ZFP30: variants seen among roughly 807,000 people sequenced by gnomAD.
ZFP30 encodes the protein zinc finger protein 30 homolog.
Under a neutral mutation model 12.3 loss-of-function variants are expected in ZFP30, and 16 were observed. That is an observed-to-expected ratio of 1.30 (90% confidence interval 0.88 to 1.98). The LOEUF is 1.98. Among genes scored for constraint, ZFP30 ranks in the 30% most tolerant of loss-of-function variants. The probability of loss-of-function intolerance (pLI) is 0.00; values close to 1 mark genes in which losing one functional copy is unlikely to be tolerated. For synonymous variants in ZFP30, 172 were observed against 201.0 expected (o/e 0.86, Z 1.22); for missense variants, 560 against 611.2 (o/e 0.92, Z 0.88).
Position 37,644,672 on chromosome 19 carries a change from G to A in ZFP30, c.74C>T (p.Ser25Leu), listed in dbSNP as rs764810240. ...ATCTCTGTACAAATTCCTCTGATAT[G>A]AGTTCAGGCATTCCCATTCTTCCTG... ...FSQEEWECLN[S>L]YQRNLYRDVI... The change falls in exon 4 of 6, where the codon TCA becomes TTA. Residue 25 changes from serine to leucine, a missense_variant. Transcript: ENST00000684514. The A allele has an allele frequency of 1.1e-5, 18 of 1,613,264 alleles. No homozygotes were observed. In the African/African-American group the frequency reaches 2.4e-4, roughly 22 times the overall value.
chr19:37,642,980 G>A (rs1307140078), intron 5 of ZFP30, among the ~76,000 whole-genome samples: 4 of 150,542 alleles, frequency 2.7e-5, no homozygotes, highest in Admixed American at 1.3e-4. Flanking sequence ...GTGAACCCGG[G>A]AGGCGGAGCT....
intron 5 of ZFP30, among the ~76,000 whole-genome samples, chr19:37,643,054 A>C (rs2044468634): frequency 6.8e-6 from 1 of 146,552 alleles, no homozygotes; most frequent in Admixed American, 6.8e-5. Flanking sequence ...CTCCGTCTCA[A>C]AAAAAAAAAA....
chr19:37,639,171 T>TG (rs2044387633), intron 5 of ZFP30, among the ~76,000 whole-genome samples: 1 of 152,136 alleles, frequency 6.6e-6, no homozygotes, highest in Non-Finnish European at 1.5e-5. Flanking sequence ...TCTAGAATTT[T>TG]GGGGATAAAG....
chr19:37,643,221 C>T lies in ZFP30; in HGVS notation c.235+44G>A, dbSNP rs200590992. The T allele has an allele frequency of 6.6e-6, 10 of 1,521,048 alleles. No homozygotes were observed. In the East Asian group the frequency reaches 2.3e-4, roughly 35 times the overall value. The allele number at this position is 1,521,048 out of a possible 1,614,324, so 94.2% of individuals were successfully genotyped here. A position where few individuals can be genotyped will look rare whatever the true frequency, so the allele number is the denominator to read the frequency against. ...TGTGTCTCCTCCTCAACCAGCAGGT[C>T]TGGCCATGCCATAATGGCTGACCTC... On this transcript the variant is annotated intron_variant, in intron 5 of 5. Transcript: ENST00000684514.
chr19:37,654,289 G>A (rs2044709278), intron 2 of ZFP30, among the ~76,000 whole-genome samples: 2 of 152,060 alleles, frequency 1.3e-5, no homozygotes, highest in Admixed American at 1.3e-4. Context: ...CATGCTGCCA[G>A]ACCTCAAACC....
chr19:37,635,457 T>G lies in ZFP30; in HGVS notation c.1084A>C (p.Thr362Pro). Residue 362 changes from threonine (T) to proline (P), a missense_variant, in exon 6 of 6, where the codon ACT (threonine) becomes CCT (proline). Thr to Pro is a conservative substitution (Grantham distance 38). Coordinates refer to ENST00000684514, the MANE Select transcript of ZFP30 (RefSeq NM_001320669.3). Reference protein sequence around the residue: ...KPYDCKECGKTFSRGYHLTLH... With the variant: ...KPYDCKECGKPFSRGYHLTLH... ...GTTAGATGATAGCCACGACTGAAAGTCTTCCCACATTCCTTACAATCATAA... is the reference window on the plus strand; with the variant it reads ...GTTAGATGATAGCCACGACTGAAAGGCTTCCCACATTCCTTACAATCATAA... The G allele has an allele frequency of 6.2e-7, 1 of 1,613,944 alleles. No individual in the cohort carries two copies. Among genetic ancestry groups the G allele is most frequent in the Admixed American group, 1.7e-5 (1 of 60,004 alleles).
chr19:37,653,349 T>C (rs568739565), intron 2 of ZFP30, among the ~76,000 whole-genome samples: 2 of 152,236 alleles, frequency 1.3e-5, no homozygotes, highest in Admixed American at 1.3e-4. Flanking sequence ...AAATGCTCAT[T>C]TCACAGCAGC....
intron 4 of ZFP30, 138 bp from the exon 5 acceptor site, chr19:37,643,501 C>G: frequency 2.0e-6 from 1 of 489,632 alleles, no homozygotes; most frequent in Non-Finnish European, 3.1e-6. Context: ...GAAGTAGGGA[C>G]CTGGTTTTAT....
Position 37,636,095 on chromosome 19 carries a change from T to C in ZFP30, c.446A>G (p.Gln149Arg), listed in dbSNP as rs2044320341. Residue 149 changes from glutamine (Q) to arginine (R), a missense_variant, in exon 6 of 6, where the codon CAG becomes CGG. Transcript: ENST00000684514. Reference protein sequence around the residue: ...YRKLTSLPLYQKSHNREKPYE... With the variant: ...YRKLTSLPLYRKSHNREKPYE... ...GGGTTTCTCTCTGTTATGACTTTTCTGATACAGAGGAAGAGATGTGAGTTT... is the reference window on the plus strand; with the variant it reads ...GGGTTTCTCTCTGTTATGACTTTTCCGATACAGAGGAAGAGATGTGAGTTT... The C allele has an allele frequency of 6.2e-7, 1 of 1,614,206 alleles. No homozygotes were observed. Among genetic ancestry groups the C allele is most frequent in the Non-Finnish European group, 8.5e-7 (1 of 1,180,038 alleles).
In ZFP30 at chr19:37,635,951, T is replaced by A; in HGVS notation, c.590A>T (p.Gln197Leu). The A allele has an allele frequency of 6.2e-7, 1 of 1,614,192 alleles. No homozygotes were observed. The highest frequency in any genetic ancestry group is 8.5e-7 in the Non-Finnish European group (1 of 1,180,038). ...ECKECGKAFR[Q>L]CAHLSRHQRI... ...CTGATGTCGACTGAGGTGGGCACAC[T>A]GTCTAAAGGCTTTTCCACATTCTTT... Residue 197 changes from glutamine to leucine, a missense_variant, in exon 6 of 6, where the codon CAG becomes CTG. Coordinates refer to ENST00000684514, the MANE Select transcript of ZFP30 (RefSeq NM_001320669.3).
intron 2 of ZFP30, among the ~76,000 whole-genome samples, chr19:37,649,923 T>C (rs1248170020): frequency 6.6e-6 from 1 of 151,868 alleles, no homozygotes; most frequent in Non-Finnish European, 1.5e-5. Context: ...GGCCACTACA[T>C]ATTGTTGGGG....
At chr19:37,642,429 G>A (rs2044454236) in intron 5 of ZFP30, among the ~76,000 whole-genome samples, 1 of 152,080 alleles carries the variant, frequency 6.6e-6, no homozygotes, top group Non-Finnish European at 1.5e-5. Flanking sequence ...TTGGCCAACT[G>A]GAGCCTGACC....
rs775276284 is a variant in ZFP30 at position 37,647,834 on chromosome 19, T to C, written c.-12A>G. Reference sequence around the variant, plus strand: ...CTTACACGAGCCATGATTTTAGAACTGCTAGAACTGGTCAATTTTCCTCAA... The same window carrying C: ...CTTACACGAGCCATGATTTTAGAACCGCTAGAACTGGTCAATTTTCCTCAA... On this transcript the variant is annotated 5_prime_UTR_variant, in exon 3 of 6. Coordinates refer to ENST00000684514, the MANE Select transcript of ZFP30 (RefSeq NM_001320669.3). 1 of 1,614,162 alleles carries C rather than the reference T, an allele frequency of 6.2e-7. No homozygotes were observed. The highest frequency in any genetic ancestry group is 1.1e-5 in the South Asian group (1 of 91,080).
At chr19:37,642,529 A>G (rs990041632) in intron 5 of ZFP30, among the ~76,000 whole-genome samples, 1 of 152,114 alleles carries the variant, frequency 6.6e-6, no homozygotes, top group Non-Finnish European at 1.5e-5. Context: ...TTACTTCAGG[A>G]TATTTTAGTA....
chr19:37,655,255 G>A (rs907248302), intron 1 of ZFP30, 165 bp downstream of exon 1: 14 of 152,362 alleles, frequency 9.2e-5, no homozygotes, highest in Non-Finnish European at 1.5e-4. Flanking sequence ...CCAGGCCTCA[G>A]GGCTGCAGAA....
intron 5 of ZFP30, among the ~76,000 whole-genome samples, chr19:37,642,536 A>G (rs577073328): frequency 4.9e-4 from 74 of 152,314 alleles, no homozygotes; most frequent in African/African-American, 1.6e-3. Context: ...AGGATATTTT[A>G]GTAATCCATT....
intron 3 of ZFP30, among the ~76,000 whole-genome samples, chr19:37,645,059 G>A (rs890907646): frequency 2.0e-5 from 3 of 152,064 alleles, no homozygotes; most frequent in Non-Finnish European, 4.4e-5. Flanking sequence ...TAAAAAATTA[G>A]CCAGGCATGG....
chr19:37,640,482 C>T (rs898001994), intron 5 of ZFP30, among the ~76,000 whole-genome samples: 1 of 150,544 alleles, frequency 6.6e-6, no homozygotes, highest in African/African-American at 2.4e-5. Flanking sequence ...TCTACTGAAT[C>T]AAAGAGTTTA....
In ZFP30 at chr19:37,632,046, A is replaced by G. The variant is rs976100179; in HGVS notation, c.*2935T>C. 2.6e-5 allele frequency: 4 copies of G among 152,064 alleles called. No individual in the cohort carries two copies. The highest frequency in any genetic ancestry group is 7.2e-5 in the African/African-American group (3 of 41,424). 9.4% of individuals were successfully genotyped at this position (152,064 alleles called of 1,614,324 possible). On this transcript the variant is annotated 3_prime_UTR_variant, in exon 6 of 6. Transcript: ENST00000684514. ...TCTTCAAAGATTTTACTTGTAAAAA[A>G]TTAGGTTCTCGGAGTCTCTCTGAGA...
Sources: gnomAD v4.1 joint callset for allele counts (sites outside exome capture counted in the v4.1 genomes callset) on GRCh38, gnomAD v4.1.1 for gene constraint, MANE v1.5 for transcripts, NCBI Gene and HGNC (gene_info 2026-07-23, HGNC 2026-07-21) for gene names.